The following MEMO1 variants were observed in gnomAD, a reference collection of about 807,000 sequenced individuals.
MEMO1 encodes protein MEMO1.
Under a neutral mutation model 45.2 loss-of-function variants are expected in MEMO1, and 6 were observed. The observed-to-expected ratio is 0.13, with a 90% CI of 0.07 to 0.26. The LOEUF is 0.26. Among genes scored for constraint, MEMO1 ranks in the 10% least tolerant of loss-of-function variants. The probability of loss-of-function intolerance (pLI) is 1.00; values close to 1 mark genes in which losing one functional copy is unlikely to be tolerated. For missense variants in MEMO1, 184 were observed against 370.5 expected, an observed-to-expected ratio of 0.50 and a Z score of 4.13; for synonymous variants, 78 against 124.3, an observed-to-expected ratio of 0.63 and a Z score of 2.48.
chr2:31,927,636 T>C (rs1159548697), intron 4 of MEMO1, among the ~76,000 whole-genome samples: 7 of 137,074 alleles, frequency 5.1e-5, no homozygotes, highest in Admixed American at 7.4e-5. Flanking sequence ...TTTTTATATT[T>C]TGTAAAAAAA....
intron 6 of MEMO1, among the ~76,000 whole-genome samples, chr2:31,909,159 GAA>G (rs1256251034): frequency 6.6e-6 from 1 of 152,098 alleles, no homozygotes; most frequent in African/African-American, 2.4e-5. Context: ...ATATCACAAT[GAA>G]CAGGGAAAAA....
intron 2 of MEMO1, among the ~76,000 whole-genome samples, chr2:31,984,369 A>G (rs1300235658): frequency 6.6e-6 from 1 of 152,212 alleles, no homozygotes; most frequent in Non-Finnish European, 1.5e-5. Flanking sequence ...ATGAAGGAAC[A>G]TTTCACAAAA....
intron 3 of MEMO1, among the ~76,000 whole-genome samples, chr2:31,934,548 G>C (rs1664683594): frequency 6.6e-6 from 1 of 151,594 alleles, no homozygotes; most frequent in Non-Finnish European, 1.5e-5. Flanking sequence ...AGAGTACAAA[G>C]GTAAGGACAT....
chr2:31,941,199 G>A lies in MEMO1; in HGVS notation c.143+2103C>T, dbSNP rs1362294230. Among the ~76,000 whole-genome samples the A allele has an allele frequency of 3.3e-5, 5 of 152,086 alleles. No homozygotes were observed. The East Asian group carries it at 7.8e-4, about 24-fold the overall frequency. On this transcript the variant is annotated intron_variant, in intron 3 of 9. Transcript: ENST00000404530. ...TATCTCATCTACCACTCTTCCCCTT[G>A]TACTGCCACTCCAGCTGCACTGGCC...
At chr2:31,971,402 C>T (rs968548509) in intron 2 of MEMO1, among the ~76,000 whole-genome samples, 1 of 152,060 alleles carries the variant, frequency 6.6e-6, no homozygotes, top group African/African-American at 2.4e-5. Flanking sequence ...CTTGCATCAC[C>T]ATGCCCAGAT....
intron 2 of MEMO1, among the ~76,000 whole-genome samples, chr2:31,998,380 T>C (rs916564987): frequency 9.9e-5 from 15 of 152,162 alleles, no homozygotes; most frequent in African/African-American, 3.6e-4. Context: ...TTAATCTGTA[T>C]TCCTTATAGG....
At position 31,920,877 on chromosome 2, in the gene MEMO1, A is replaced by T. The variant is rs1682225082; in HGVS notation, c.246T>A (p.His82Gln). The T allele has an allele frequency of 6.2e-7, 1 of 1,612,546 alleles. No homozygotes were observed. Among genetic ancestry groups the T allele is most frequent in the African/African-American group, 1.3e-5 (1 of 74,852 alleles). Residue 82 changes from histidine to glutamine, a missense_variant, in exon 5 of 10, where the codon CAT becomes CAA. This residue lies in a region of MEMO1 where 60 missense variants were observed against 79.2 expected (regional missense o/e 0.76). Transcript: ENST00000404530. Reference sequence around the variant, plus strand: ...AAAGTGCACATCGAGAGAGGGGCACATGATGAGAAGGCCCAAGGATGAAAA... The same window carrying T: ...AAAGTGCACATCGAGAGAGGGGCACTTGATGAGAAGGCCCAAGGATGAAAA... Reference protein sequence around the residue: ...RRIFILGPSHHVPLSRCALSS... With the variant: ...RRIFILGPSHQVPLSRCALSS...
chr2:31,974,978 T>A (rs1052772810), intron 2 of MEMO1, among the ~76,000 whole-genome samples: 1 of 151,606 alleles, frequency 6.6e-6, no homozygotes, highest in Non-Finnish European at 1.5e-5. Context: ...TGAGACCAGC[T>A]TGGCCAACAT....
intron 4 of MEMO1, among the ~76,000 whole-genome samples, chr2:31,925,807 G>A (rs979395819): frequency 3.3e-5 from 5 of 152,084 alleles, no homozygotes; most frequent in African/African-American, 1.2e-4. Flanking sequence ...CTCACACTAA[G>A]TTTAAAAGGG....
At chr2:31,891,374 T>C (rs1339323116) in intron 7 of MEMO1, among the ~76,000 whole-genome samples, 2 of 152,154 alleles carry the variant, frequency 1.3e-5, no homozygotes, top group Non-Finnish European at 2.9e-5. Flanking sequence ...CTCACTTCTC[T>C]TACAACGTAC....
At chr2:32,009,545 G>T (rs1674543915) in intron 2 of MEMO1, among the ~76,000 whole-genome samples, 1 of 152,190 alleles carries the variant, frequency 6.6e-6, no homozygotes, top group Non-Finnish European at 1.5e-5. Flanking sequence ...CCCCTTAAAG[G>T]TGCGGGGAAA....
Position 31,971,941 on chromosome 2 carries a change from T to G in MEMO1, c.62-28558A>C, listed in dbSNP as rs12993808. Among the ~76,000 whole-genome samples, 4 of 151,596 alleles carry G rather than the reference T, an allele frequency of 2.6e-5. No individual in the cohort carries two copies. In the East Asian group the frequency reaches 7.7e-4, roughly 29 times the overall value. On this transcript the variant is annotated intron_variant, in intron 2 of 9. Coordinates refer to ENST00000404530, the MANE Select transcript of MEMO1 (RefSeq NM_001301833.4). ...GCCAAGATCGTGCCACTGCACTCCA[T>G]CCTGGCCGTCAGAGCGAGACTCTGT... is the stretch of plus-strand genomic sequence containing the variant.
chr2:31,982,660 T>C (rs1228205932), intron 2 of MEMO1, among the ~76,000 whole-genome samples: 3 of 151,644 alleles, frequency 2.0e-5, no homozygotes, highest in Non-Finnish European at 4.4e-5. Flanking sequence ...TGGGAAATGA[T>C]GCTTTGATTA....
chr2:31,996,322 CG>C (rs1672610949), intron 2 of MEMO1, among the ~76,000 whole-genome samples: 1 of 151,972 alleles, frequency 6.6e-6, no homozygotes, highest in South Asian at 2.1e-4. Context: ...CCAAGGCGGG[CG>C]GATCACTTGA....
At chr2:31,976,896 T>C (rs1670066830) in intron 2 of MEMO1, among the ~76,000 whole-genome samples, 1 of 152,146 alleles carries the variant, frequency 6.6e-6, no homozygotes, top group African/African-American at 2.4e-5. Context: ...GCTTATCCTC[T>C]TTACCAGCAA....
intron 2 of MEMO1, among the ~76,000 whole-genome samples, chr2:31,957,977 A>G (rs1558532647): frequency 6.6e-6 from 1 of 152,252 alleles, no homozygotes; most frequent in Non-Finnish European, 1.5e-5. Flanking sequence ...TTTAGCAACC[A>G]TAAGATGCAC....
At chr2:32,007,476 G>A (rs539382318) in intron 2 of MEMO1, among the ~76,000 whole-genome samples, 1 of 152,200 alleles carries the variant, frequency 6.6e-6, no homozygotes, top group East Asian at 1.9e-4. Flanking sequence ...AATGGATCTA[G>A]CATATAACAA....
At chr2:31,969,589 GTGTGT>G (rs760200344) in intron 2 of MEMO1, among the ~76,000 whole-genome samples, 9,154 of 43,488 alleles carry the variant, frequency 0.21, 385 homozygotes, top group Non-Finnish European at 0.28. Flanking sequence ...GTGTGTGGGT[GTGTGT>G]GTGTGTGTGT....
intron 2 of MEMO1, among the ~76,000 whole-genome samples, chr2:31,971,974 A>G (rs113772157): frequency 3.3e-5 from 5 of 152,300 alleles, no homozygotes; most frequent in South Asian, 4.1e-4. Context: ...TGTCTCAAAA[A>G]AAAAGAAAAG....
Sources: allele counts gnomAD v4.1 joint callset (sites outside exome capture counted in the v4.1 genomes callset), GRCh38; gene constraint gnomAD v4.1.1; regional missense constraint gnomAD v4.1.1; transcripts MANE v1.5; gene names NCBI Gene and HGNC (gene_info 2026-07-23, HGNC 2026-07-21).